DDX24: variants seen among roughly 807,000 people sequenced by gnomAD.
DDX24 encodes ATP-dependent RNA helicase DDX24.
DDX24 carries 24 observed loss-of-function variants against 68.9 expected under a neutral mutation model. The ratio of observed to expected loss-of-function variants is 0.35; its 90% CI spans 0.25 to 0.49. The LOEUF (loss-of-function observed/expected upper bound fraction) is 0.49. Among genes scored for constraint, DDX24 ranks in the 20% least tolerant of loss-of-function variants. The pLI is 0.99. For missense variants in DDX24, 989 were observed against 1,039.0 expected, an observed-to-expected ratio of 0.95 and a Z score of 0.66; for synonymous variants, 395 against 385.2, an observed-to-expected ratio of 1.03 and a Z score of -0.30.
chr14:94,060,107 C>A lies in DDX24; in HGVS notation c.1904G>T (p.Arg635Leu). The A allele has an allele frequency of 1.2e-6, 2 of 1,611,780 alleles. No individual in the cohort carries two copies. The highest frequency in any genetic ancestry group is 2.2e-5 in the South Asian group (2 of 90,920). The change falls in exon 5 of 9, where the codon CGT (arginine) becomes CTT (leucine). Residue 635 changes from arginine (R) to leucine (L), a missense_variant. Transcript: ENST00000621632. ...QRLRNLEQFARLEDCVLLATD... is the reference protein window; with the variant it reads ...QRLRNLEQFALLEDCVLLATD... ...GACAGTCCTAACTTACTCTTCCAGA[C>A]GGGCAAACTGCTCCAGGTTTCTGAG...
intron 2 of DDX24, among the ~76,000 whole-genome samples, chr14:94,072,758 G>A (rs991897386): frequency 5.9e-5 from 9 of 152,266 alleles, no homozygotes; most frequent in African/African-American, 2.2e-4. Flanking sequence ...GATCCCAGAA[G>A]GTGGAGATTG....
Position 94,054,160 on chromosome 14 carries a change from G to A in DDX24, c.2178+836C>T, listed in dbSNP as rs202051271. Among the ~76,000 whole-genome samples, 4 of 152,186 alleles carry A rather than the reference G, an allele frequency of 2.6e-5. No homozygotes were observed. The East Asian group carries it at 5.8e-4, about 22-fold the overall frequency. On this transcript the variant is annotated intron_variant, in intron 7 of 8. Coordinates refer to ENST00000621632, the MANE Select transcript of DDX24 (RefSeq NM_020414.4). ...GAGGGTTTTGGGGTTACAGTGCAGTGGCAAAATGAGAAGGATCTTGTGATG... is the reference window on the plus strand; with the variant it reads ...GAGGGTTTTGGGGTTACAGTGCAGTAGCAAAATGAGAAGGATCTTGTGATG...
intron 5 of DDX24, among the ~76,000 whole-genome samples, chr14:94,058,101 A>C (rs1885523600): frequency 6.6e-6 from 1 of 152,090 alleles, no homozygotes; most frequent in Non-Finnish European, 1.5e-5. Flanking sequence ...TGGAGTCTGG[A>C]TCCAAATTTG....
At chr14:94,071,958 A>G (rs1157092059) in intron 2 of DDX24, among the ~76,000 whole-genome samples, 1 of 152,156 alleles carries the variant, frequency 6.6e-6, no homozygotes, top group Non-Finnish European at 1.5e-5. Context: ...AAAAAAAACA[A>G]TGTTGGCATG....
Position 94,055,077 on chromosome 14 carries a change from A to G in DDX24, c.2097T>C (p.Phe699=), listed in dbSNP as rs925724142. The G allele has an allele frequency of 6.2e-7, 1 of 1,614,190 alleles. No homozygotes were observed. The highest frequency in any genetic ancestry group is 8.5e-7 in the Non-Finnish European group (1 of 1,180,030). The change falls in exon 7 of 9, where the codon TTT becomes TTC. Residue 699 remains phenylalanine, a synonymous_variant. Transcript: ENST00000621632. Reference sequence around the variant, plus strand: ...TCTTGAGCGTTTTGTAAATCTTCTTAAAGTTGATCACATCCTCAGGCCCAA... The same window carrying G: ...TCTTGAGCGTTTTGTAAATCTTCTTGAAGTTGATCACATCCTCAGGCCCAA... ...MLIGPEDVIN[F]KKIYKTLKKD... is the part of the protein sequence containing the mutation.
rs2141427115 is a variant in DDX24 at position 94,062,403 on chromosome 14, T to A, written c.937A>T (p.Ile313Phe). 1 of 1,614,174 alleles carries A rather than the reference T, an allele frequency of 6.2e-7. No individual in the cohort carries two copies. Among genetic ancestry groups the A allele is most frequent in the East Asian group, 2.2e-5 (1 of 44,888 alleles). ...GTCTTGGCTCTGGCCTCGGCTGCAA[T>A]ATCACTGGGCAGTGCTTCACTCTCA... ...VIESEALPSD[I>F]AAEARAKTGG... is the part of the protein sequence containing the mutation. Residue 313 changes from isoleucine (I) to phenylalanine (F), a missense_variant, in exon 3 of 9, where the codon ATT (isoleucine) becomes TTT (phenylalanine). Transcript: ENST00000621632.
chr14:94,078,197 T>C (rs1264487112), intron 2 of DDX24, among the ~76,000 whole-genome samples: 3 of 152,242 alleles, frequency 2.0e-5, no homozygotes, highest in Admixed American at 6.5e-5. Flanking sequence ...ATAGGTTATA[T>C]GTAAGCACTA....
At chr14:94,063,811 G>C (rs1885643181) in intron 2 of DDX24, among the ~76,000 whole-genome samples, 1 of 152,198 alleles carries the variant, frequency 6.6e-6, no homozygotes, top group African/African-American at 2.4e-5. Flanking sequence ...GCTGAGGCAG[G>C]AGGATTGCTT....
intron 6 of DDX24, 134 bp from the exon 7 acceptor site, chr14:94,055,318 C>A (rs1885472887): frequency 2.5e-6 from 2 of 806,822 alleles, no homozygotes; most frequent in Non-Finnish European, 3.9e-6. Context: ...CATTGTAGAG[C>A]AATCTAGCCC....
In DDX24 at chr14:94,062,233, T is replaced by C. The variant is rs926153280; in HGVS notation, c.1107A>G (p.Leu369=). The change falls in exon 3 of 9, where the codon CTA becomes CTG. Residue 369 remains leucine (L), a synonymous_variant. Coordinates refer to ENST00000621632, the MANE Select transcript of DDX24 (RefSeq NM_020414.4). The part of the protein sequence containing the change: ...ENLDKEQTGN[L]KQELDDKSAT... ...CGCTTTTGTCATCCAACTCCTGTTT[T>C]AGATTTCCAGTCTGCTCTTTATCAA... 2.6e-5 allele frequency: 42 copies of C among 1,614,056 alleles called. No homozygotes were observed. The highest frequency in any genetic ancestry group is 3.2e-5 in the Non-Finnish European group (38 of 1,180,038).
At position 94,050,074 on chromosome 14, in the gene DDX24, C is replaced by G. The variant is rs4905149; in HGVS notation, c.*1117G>C. The G allele has an allele frequency of 6.6e-6, 1 of 151,942 alleles. No individual in the cohort carries two copies. Among genetic ancestry groups the G allele is most frequent in the Admixed American group, 6.6e-5 (1 of 15,262 alleles). The allele number at this position is 151,942 out of a possible 1,614,324, so 9.4% of individuals were successfully genotyped here. A position where few individuals can be genotyped will look rare whatever the true frequency, so the allele number is the denominator to read the frequency against. On this transcript the variant is annotated 3_prime_UTR_variant, in exon 9 of 9. Transcript: ENST00000621632. The stretch of plus-strand genomic sequence containing the variant: ...TAAACAGCTGTATTGTATTGTGCCC[C>G]GACGAATACCTGTTTGGAAGCCAGA...
intron 1 of DDX24, 84 bp from the exon 2 acceptor site, chr14:94,079,831 G>A: frequency 7.9e-7 from 1 of 1,268,802 alleles, no homozygotes; most frequent in Non-Finnish European, 1.1e-6. Context: ...AAGCAACTAG[G>A]CCCTACAAAG....
chr14:94,054,377 C>G (rs940743672), intron 7 of DDX24, among the ~76,000 whole-genome samples: 2 of 152,192 alleles, frequency 1.3e-5, no homozygotes, highest in Non-Finnish European at 2.9e-5. Context: ...TGGAATTCCA[C>G]CTCCTCTGTA....
intron 2 of DDX24, among the ~76,000 whole-genome samples, chr14:94,064,451 T>C (rs1885658931): frequency 6.6e-6 from 1 of 152,218 alleles, no homozygotes; most frequent in Non-Finnish European, 1.5e-5. Flanking sequence ...GGGATGGAAC[T>C]TTCAGCTGCC....
In DDX24 at chr14:94,051,368, A is replaced by G. The variant is rs752979202; in HGVS notation, c.2403T>C (p.Phe801=). The G allele has an allele frequency of 2.5e-6, 4 of 1,613,202 alleles. No homozygotes were observed. The highest frequency in any genetic ancestry group is 3.4e-6 in the Non-Finnish European group (4 of 1,179,808). ...ELRHLLSQPL[F]TESQKTKYPT... Reference sequence around the variant, plus strand: ...GATACTTGGTTTTCTGGCTCTCCGTAAACAGTGGCTGGGACAGCAGGTGGC... The same window carrying G: ...GATACTTGGTTTTCTGGCTCTCCGTGAACAGTGGCTGGGACAGCAGGTGGC... The change falls in exon 9 of 9, where the codon TTT becomes TTC. Residue 801 remains phenylalanine, a synonymous_variant. Coordinates refer to ENST00000621632, the MANE Select transcript of DDX24 (RefSeq NM_020414.4).
chr14:94,077,614 TTCA>T (rs1885970428), intron 2 of DDX24, among the ~76,000 whole-genome samples: 1 of 152,206 alleles, frequency 6.6e-6, no homozygotes, highest in Non-Finnish European at 1.5e-5. Context: ...GACAACCGAT[TTCA>T]TCAACATAAA....
intron 7 of DDX24, among the ~76,000 whole-genome samples, chr14:94,054,407 G>A (rs569255293): frequency 9.2e-5 from 14 of 152,284 alleles, no homozygotes; most frequent in Admixed American, 3.9e-4. Flanking sequence ...ATCTTTGCCA[G>A]CAGGAAGCTG....
chr14:94,058,562 C>A (rs1271786536), intron 5 of DDX24, among the ~76,000 whole-genome samples: 1 of 152,204 alleles, frequency 6.6e-6, no homozygotes, highest in Non-Finnish European at 1.5e-5. Flanking sequence ...TTACTCACTG[C>A]TGTTATTACC....
rs1567058124 is a variant in DDX24 at position 94,058,227 on chromosome 14, ATTT to A, written c.1914-333_1914-331del. Among the ~76,000 whole-genome samples the A allele has an allele frequency of 7.3e-3, 1,118 of 152,160 alleles. 9 individuals carry two copies. The highest frequency in any genetic ancestry group is 0.026 in the African/African-American group (1,065 of 41,502). On this transcript the variant is annotated intron_variant, in intron 5 of 8. Transcript: ENST00000621632. ...GTGACTCCTCTCCTAGCACCCTCTC[ATTT>A]ACTTCCTCCCAGTGGCACACAGACT...
Sources: gnomAD v4.1 joint callset for allele counts (sites outside exome capture counted in the v4.1 genomes callset) on GRCh38, gnomAD v4.1.1 for gene constraint, MANE v1.5 for transcripts, NCBI Gene and HGNC (gene_info 2026-07-23, HGNC 2026-07-21) for gene names.